The following PDZD8 variants were observed in gnomAD, a reference collection of about 807,000 sequenced individuals.
PDZD8 encodes PDZ domain containing 8.
PDZD8 carries 14 observed loss-of-function variants against 85.8 expected under a neutral mutation model. The ratio of observed to expected loss-of-function variants is 0.16; its 90% CI spans 0.11 to 0.26. The LOEUF (loss-of-function observed/expected upper bound fraction) is 0.26, where lower values mean the gene tolerates loss of function less well. Among genes scored for constraint, PDZD8 ranks in the 10% least tolerant of loss-of-function variants. The probability of loss-of-function intolerance (pLI) is 1.00; values close to 1 mark genes in which losing one functional copy is unlikely to be tolerated. For missense variants in PDZD8, 1,197 were observed against 1,424.3 expected (o/e 0.84, Z 2.57); for synonymous variants, 592 against 568.6 (o/e 1.04, Z -0.59).
chr10:117,329,218 TCTA>T (rs900381790), intron 2 of PDZD8, among the ~76,000 whole-genome samples: 19 of 152,304 alleles, frequency 1.2e-4, no homozygotes, highest in African/African-American at 4.1e-4. Flanking sequence ...TAAATAAATT[TCTA>T]CTACTACTAC....
chr10:117,339,081 G>GCTTTCTA (rs1321815708), intron 2 of PDZD8, among the ~76,000 whole-genome samples: 2 of 144,874 alleles, frequency 1.4e-5, no homozygotes, highest in African/African-American at 5.2e-5. Flanking sequence ...TGTCTACCAG[G>GCTTTCTA]CTTTCTAACA....
chr10:117,306,908 AT>A (rs1195431482), intron 3 of PDZD8, among the ~76,000 whole-genome samples: 28 of 152,284 alleles, frequency 1.8e-4, no homozygotes, highest in African/African-American at 6.5e-4. Context: ...TAACAAGGAC[AT>A]TCTCTCACAT....
At chr10:117,321,360 A>G (rs1844222473) in intron 2 of PDZD8, among the ~76,000 whole-genome samples, 1 of 152,176 alleles carries the variant, frequency 6.6e-6, no homozygotes, top group Admixed American at 6.6e-5. Context: ...TGAACCTTGA[A>G]AAACTTCTAA....
chr10:117,330,834 G>A (rs1844408969), intron 2 of PDZD8, among the ~76,000 whole-genome samples: 1 of 152,040 alleles, frequency 6.6e-6, no homozygotes, highest in Non-Finnish European at 1.5e-5. Flanking sequence ...TTGGCCCTGA[G>A]ACATCTACAC....
chr10:117,342,475 G>A (rs1844633468), intron 1 of PDZD8, among the ~76,000 whole-genome samples: 1 of 151,066 alleles, frequency 6.6e-6, no homozygotes, highest in Non-Finnish European at 1.5e-5. Context: ...CACAATTAAT[G>A]TTCCTTTTTT....
At chr10:117,351,896 C>A (rs1844811593) in intron 1 of PDZD8, among the ~76,000 whole-genome samples, 1 of 151,938 alleles carries the variant, frequency 6.6e-6, no homozygotes, top group South Asian at 2.1e-4. Context: ...TCAGGCTGGT[C>A]TTGAATTCCT....
chr10:117,367,721 G>A (rs1164232774), intron 1 of PDZD8, among the ~76,000 whole-genome samples: 1 of 152,100 alleles, frequency 6.6e-6, no homozygotes, highest in Non-Finnish European at 1.5e-5. Context: ...AGCACCTGAA[G>A]TCAGAAGTTC....
intron 3 of PDZD8, chr10:117,314,097 A>G (rs1427401917): frequency 6.6e-6 from 1 of 152,190 alleles, no homozygotes; most frequent in East Asian, 1.9e-4. Context: ...GTATATGGGA[A>G]GAGTATTTCA....
At chr10:117,303,557 T>C (rs1442136313) in intron 3 of PDZD8, among the ~76,000 whole-genome samples, 1 of 152,216 alleles carries the variant, frequency 6.6e-6, no homozygotes, top group Non-Finnish European at 1.5e-5. Flanking sequence ...AGGAGCCTAA[T>C]GTTAAATCCC....
At chr10:117,322,531 C>T (rs755946620) in intron 2 of PDZD8, among the ~76,000 whole-genome samples, 4 of 152,042 alleles carry the variant, frequency 2.6e-5, no homozygotes, top group South Asian at 2.1e-4. Flanking sequence ...TAAAAGTAAC[C>T]GACAGTGGTT....
chr10:117,335,977 G>C (rs576013539), intron 2 of PDZD8, among the ~76,000 whole-genome samples: 1 of 152,288 alleles, frequency 6.6e-6, no homozygotes, highest in African/African-American at 2.4e-5. Context: ...GGAGGTACAG[G>C]TTTGCACATT....
chr10:117,372,621 C>G (rs1277622240), intron 1 of PDZD8, among the ~76,000 whole-genome samples: 2 of 152,194 alleles, frequency 1.3e-5, no homozygotes, highest in African/African-American at 4.8e-5. Context: ...TGCTTAAACA[C>G]TAGAACCGAG....
chr10:117,328,957 C>G (rs567060220), intron 2 of PDZD8, among the ~76,000 whole-genome samples: 2 of 152,310 alleles, frequency 1.3e-5, no homozygotes, highest in East Asian at 3.9e-4. Context: ...GGAGTTCCCA[C>G]TGGAAACGTG....
chr10:117,279,645 A>T lies in PDZD8; in HGVS notation c.*3623T>A, dbSNP rs115813685. 1.7e-3 allele frequency: 260 copies of T among 152,322 alleles called. 5 individuals are homozygous for T. Among genetic ancestry groups the T allele is most frequent in the African/African-American group, 5.8e-3 (242 of 41,570 alleles). The allele number at this position is 152,322 out of a possible 1,614,324, so 9.4% of individuals were successfully genotyped here. ...TAACTAGCCACATTCAATGTGGAAA[A>T]AAACCAGGAAGTTATCCTTCCATCT... On this transcript the variant is annotated 3_prime_UTR_variant, in exon 5 of 5. Coordinates refer to ENST00000334464, the MANE Select transcript of PDZD8 (RefSeq NM_173791.5).
In PDZD8 at chr10:117,283,591, C is replaced by T; in HGVS notation, c.3142G>A (p.Asp1048Asn). The T allele has an allele frequency of 6.2e-7, 1 of 1,614,112 alleles. No individual in the cohort carries two copies. The highest frequency in any genetic ancestry group is 8.5e-7 in the Non-Finnish European group (1 of 1,180,004). The change falls in exon 5 of 5, where the codon GAT becomes AAT. Residue 1048 changes from aspartate to asparagine, a missense_variant. Transcript: ENST00000334464. ...FMLDKLQNEI[D>N]QELEHNNSLV... is the part of the protein sequence containing the mutation. ...GAATTATTGTGTTCCAACTCCTGAT[C>T]AATTTCATTCTGTAGCTTATCCAAC... is the stretch of plus-strand genomic sequence containing the variant.
At chr10:117,289,941 A>G (rs974963346) in intron 4 of PDZD8, among the ~76,000 whole-genome samples, 5 of 152,212 alleles carry the variant, frequency 3.3e-5, no homozygotes, top group African/African-American at 1.2e-4. Flanking sequence ...TGGTTATATA[A>G]AAGTGGTCTA....
intron 3 of PDZD8, among the ~76,000 whole-genome samples, chr10:117,304,825 A>G (rs554843618): frequency 6.6e-6 from 1 of 152,274 alleles, no homozygotes; most frequent in Admixed American, 6.5e-5. Flanking sequence ...CTCCCCAGCC[A>G]TGTGGAATTG....
chr10:117,301,027 T>C (rs1843838427), intron 3 of PDZD8, among the ~76,000 whole-genome samples: 1 of 152,154 alleles, frequency 6.6e-6, no homozygotes, highest in African/African-American at 2.4e-5. Context: ...CTTGCTCTGT[T>C]GTCTAGGCTA....
chr10:117,363,925 C>G (rs1165001831), intron 1 of PDZD8, among the ~76,000 whole-genome samples: 2 of 152,112 alleles, frequency 1.3e-5, no homozygotes, highest in Non-Finnish European at 1.5e-5. Flanking sequence ...ATATACCAGA[C>G]TAGTAAAAGC....
Sources: allele counts gnomAD v4.1 joint callset (sites outside exome capture counted in the v4.1 genomes callset), GRCh38; gene constraint gnomAD v4.1.1; transcripts MANE v1.5; gene names NCBI Gene and HGNC (gene_info 2026-07-23, HGNC 2026-07-21).